KPNA2: variants seen among roughly 807,000 people sequenced by gnomAD.
KPNA2 encodes the protein karyopherin subunit alpha 2.
A neutral mutation model predicts 53.7 loss-of-function variants in KPNA2; 20 were observed. The ratio of observed to expected loss-of-function variants is 0.37; its 90% CI spans 0.26 to 0.54. The LOEUF (loss-of-function observed/expected upper bound fraction) is 0.54. KPNA2 is among the 20% of genes least tolerant of loss of function. The pLI is 0.83. For synonymous variants in KPNA2, 238 were observed against 227.5 expected (o/e 1.05, Z -0.42); for missense variants, 515 against 640.3 (o/e 0.80, Z 2.11).
rs782569537 is a variant in KPNA2, at chr17:68,037,221, G to A, written c.75+14G>A. On this transcript the variant is annotated intron_variant, in intron 2 of 10. Transcript: ENST00000330459. ...AAAGACAGTACAGTGAGTACCTTCTGTTGCTTTCCTGTGGTGGTATTTAAA... is the reference window on the plus strand; with the variant it reads ...AAAGACAGTACAGTGAGTACCTTCTATTGCTTTCCTGTGGTGGTATTTAAA... 2 of 1,604,470 alleles carry A rather than the reference G, an allele frequency of 1.2e-6. No homozygotes were observed. The highest frequency in any genetic ancestry group is 1.7e-4 in the Middle Eastern group (1 of 6,036).
chr17:68,037,193 G>C lies in KPNA2; in HGVS notation c.61G>C (p.Gly21Arg). 6.2e-7 allele frequency: 1 copy of C among 1,612,620 alleles called. No individual in the cohort carries two copies. The highest frequency in any genetic ancestry group is 8.5e-7 in the Non-Finnish European group (1 of 1,179,180). Residue 21 changes from glycine (G) to arginine (R), a missense_variant, in exon 2 of 11, where the codon GGA (glycine) becomes CGA (arginine). Transcript: ENST00000330459. ...CCGTCTTCACAGATTCAAGAACAAG[G>C]GAAAAGACAGTACAGTGAGTACCTT... Reference protein sequence around the residue: ...AARLHRFKNKGKDSTEMRRRR... With the variant: ...AARLHRFKNKRKDSTEMRRRR...
intron 1 of KPNA2, 32 bp downstream of exon 1, chr17:68,035,872 G>T (rs1222673407): frequency 1.3e-5 from 2 of 152,366 alleles, no homozygotes; most frequent in African/African-American, 4.8e-5. Flanking sequence ...CGGCCCGAGC[G>T]CTAACGGCTT....
chr17:68,036,128 T>G (rs1418264899), intron 1 of KPNA2: 1 of 152,252 alleles, frequency 6.6e-6, no homozygotes, highest in East Asian at 1.9e-4. Context: ...GGAGGACTTG[T>G]GGCGGCCCTG....
chr17:68,043,533 A>G (rs531604610), intron 7 of KPNA2, among the ~76,000 whole-genome samples, 170 bp downstream of exon 7: 36 of 152,192 alleles, frequency 2.4e-4, no homozygotes, highest in African/African-American at 8.2e-4. Context: ...GTGAAAGCCC[A>G]TCTCTACTAA....
At chr17:68,036,707 G>A (rs1021110323) in intron 1 of KPNA2, among the ~76,000 whole-genome samples, 4 of 152,198 alleles carry the variant, frequency 2.6e-5, no homozygotes, top group African/African-American at 9.7e-5. Context: ...TTCAAAGATG[G>A]AGTATGGAAA....
Position 68,040,670 on chromosome 17 carries a change from T to C in KPNA2, c.214-8T>C. ...ATGATAATGTGCAAACTTTCACTTT[T>C]CTTCTAGGGCACTGTAAATTGGTCT... On this transcript the variant is annotated splice_region_variant and splice_polypyrimidine_tract_variant and intron_variant, in intron 3 of 10. Coordinates refer to ENST00000330459, the MANE Select transcript of KPNA2 (RefSeq NM_002266.4). 6.3e-7 allele frequency: 1 copy of C among 1,591,574 alleles called. No individual in the cohort carries two copies. The highest frequency in any genetic ancestry group is 2.2e-5 in the East Asian group (1 of 44,722).
intron 3 of KPNA2, among the ~76,000 whole-genome samples, chr17:68,037,763 T>C (rs1360527405): frequency 6.6e-6 from 1 of 152,096 alleles, no homozygotes; most frequent in East Asian, 1.9e-4. Context: ...GCCTGACCAG[T>C]GTGTCCAGAG....
In KPNA2 at chr17:68,037,354, C is replaced by G; in HGVS notation, c.76-4C>G. The G allele has an allele frequency of 6.2e-7, 1 of 1,609,936 alleles. No homozygotes were observed. Among genetic ancestry groups the G allele is most frequent in the Non-Finnish European group, 8.5e-7 (1 of 1,178,834 alleles). On this transcript the variant is annotated splice_region_variant and splice_polypyrimidine_tract_variant and intron_variant, in intron 2 of 10. Transcript: ENST00000330459. Reference sequence around the variant, plus strand: ...GGTGAAACGGCATGTTATCTTTTCTCAAGGAAATGAGGCGTCGCAGAATAG... The same window carrying G: ...GGTGAAACGGCATGTTATCTTTTCTGAAGGAAATGAGGCGTCGCAGAATAG...
intron 4 of KPNA2, 69 bp from the exon 5 acceptor site, chr17:68,042,016 A>G (rs2071265692): frequency 7.4e-7 from 1 of 1,350,344 alleles, no homozygotes; most frequent in Non-Finnish European, 1.0e-6. Context: ...TGCATTTTAT[A>G]TTGGTTTTTA....
At chr17:68,044,182 G>C (rs1250776789) in intron 8 of KPNA2, 111 bp downstream of exon 8, 3 of 1,255,166 alleles carry the variant, frequency 2.4e-6, no homozygotes, top group Middle Eastern at 1.9e-4. Flanking sequence ...GTCCTTTGCT[G>C]AACAATACCC....
chr17:68,039,283 G>T (rs1555704194), intron 3 of KPNA2, among the ~76,000 whole-genome samples: 2 of 151,698 alleles, frequency 1.3e-5, no homozygotes, highest in African/African-American at 4.8e-5. Flanking sequence ...ACGATGTCTA[G>T]CTAATTTTTG....
intron 1 of KPNA2, among the ~76,000 whole-genome samples, chr17:68,036,842 A>G (rs1311290758): frequency 6.6e-6 from 1 of 152,210 alleles, no homozygotes; most frequent in Non-Finnish European, 1.5e-5. Context: ...TCCTTTTTAA[A>G]AATATGGCTA....
At chr17:68,045,235 T>C (rs1250888112) in intron 9 of KPNA2, among the ~76,000 whole-genome samples, 5 of 152,342 alleles carry the variant, frequency 3.3e-5, no homozygotes, top group Admixed American at 6.5e-5. Context: ...AATCTGTTTT[T>C]TTCATCTATA....
At position 68,040,755 on chromosome 17, in the gene KPNA2, T is replaced by G. The variant is rs781920144; in HGVS notation, c.291T>G (p.Thr97=). 3.1e-6 allele frequency: 5 copies of G among 1,598,734 alleles called. No homozygotes were observed. The South Asian group carries it at 4.4e-5, about 14-fold the overall frequency. ...ATGTGGAAAATCAGCTCCAAGCTACTCAAGCTGCCAGGTAAGTCTTGTCTG... is the reference window on the plus strand; with the variant it reads ...ATGTGGAAAATCAGCTCCAAGCTACGCAAGCTGCCAGGTAAGTCTTGTCTG... ...SSNVENQLQA[T]QAARKLLSRE... is the part of the protein sequence containing the mutation. The change falls in exon 4 of 11, where the codon ACT becomes ACG. Residue 97 remains threonine (T), a synonymous_variant. Transcript: ENST00000330459.
At chr17:68,043,395 G>A (rs1263595763) in intron 7 of KPNA2, 32 bp downstream of exon 7, 4 of 1,606,762 alleles carry the variant, frequency 2.5e-6, no homozygotes, top group Middle Eastern at 1.7e-4. Flanking sequence ...TAGGACATAA[G>A]TATAAGAAGC....
chr17:68,046,420 C>CT (rs782280023), intron 10 of KPNA2, 84 bp from the exon 11 acceptor site: 63 of 789,366 alleles, frequency 8.0e-5, no homozygotes, highest in Non-Finnish European at 1.2e-4. Context: ...AGATCAAGAC[C>CT]TAGAGATTAA....
At chr17:68,041,536 C>T (rs559347487) in intron 4 of KPNA2, among the ~76,000 whole-genome samples, 4 of 152,040 alleles carry the variant, frequency 2.6e-5, no homozygotes, top group South Asian at 2.1e-4. Context: ...TCCAGCATGG[C>T]GACAGAGCAA....
At chr17:68,045,090 T>TG (rs1568278268) in intron 9 of KPNA2, among the ~76,000 whole-genome samples, 8 of 130,392 alleles carry the variant, frequency 6.1e-5, no homozygotes, top group Non-Finnish European at 8.2e-5. Flanking sequence ...GAAACTGTCT[T>TG]AAAAAAAAAA....
At chr17:68,042,842 C>T (rs113700790) in intron 5 of KPNA2, 63 bp from the exon 6 acceptor site, 60,014 of 1,275,206 alleles carry the variant, frequency 0.047, 1,739 homozygotes, top group South Asian at 0.11. Context: ...CCAGCCTGGG[C>T]GACAGAGAGA....
Sources: allele counts gnomAD v4.1 joint callset (sites outside exome capture counted in the v4.1 genomes callset), GRCh38; gene constraint gnomAD v4.1.1; transcripts MANE v1.5; gene names NCBI Gene and HGNC (gene_info 2026-07-23, HGNC 2026-07-21).